Variants in ZBTB7C observed in about 807,000 individuals in gnomAD.
The protein encoded by ZBTB7C is zinc finger and BTB domain-containing protein 7C.
In ZBTB7C, 8 loss-of-function variants were observed where a neutral mutation model predicts 25.7. That is an observed-to-expected ratio of 0.31 (90% confidence interval 0.18 to 0.56). ZBTB7C has a LOEUF of 0.56. Among genes scored for constraint, ZBTB7C ranks in the 20% least tolerant of loss-of-function variants. The pLI is 0.91. For synonymous variants in ZBTB7C, 394 were observed against 369.0 expected, an observed-to-expected ratio of 1.07 and a Z score of -0.78; for missense variants, 824 against 855.2, an observed-to-expected ratio of 0.96 and a Z score of 0.46.
intron 3 of ZBTB7C, among the ~76,000 whole-genome samples, chr18:48,182,391 AT>A (rs1275562469): frequency 6.6e-6 from 1 of 152,220 alleles, no homozygotes; most frequent in East Asian, 1.9e-4. Flanking sequence ...GTACACTGGC[AT>A]TGAACAGAGC....
At chr18:48,191,599 G>A (rs1419701219) in intron 2 of ZBTB7C, among the ~76,000 whole-genome samples, 2 of 152,198 alleles carry the variant, frequency 1.3e-5, no homozygotes, top group African/African-American at 2.4e-5. Context: ...ACATGGGGCA[G>A]GCACATAAAT....
intron 2 of ZBTB7C, among the ~76,000 whole-genome samples, chr18:48,280,539 T>G (rs2044807669): frequency 6.6e-6 from 1 of 152,038 alleles, no homozygotes; most frequent in African/African-American, 2.4e-5. Flanking sequence ...GAACAAAAGG[T>G]GCCCACAGAG....
intron 2 of ZBTB7C, among the ~76,000 whole-genome samples, chr18:48,296,381 C>T (rs1156532445): frequency 6.6e-6 from 1 of 152,240 alleles, no homozygotes; most frequent in Non-Finnish European, 1.5e-5. Context: ...CGCTAACCCT[C>T]ACCACCAAGC....
intron 1 of ZBTB7C, among the ~76,000 whole-genome samples, chr18:48,353,983 T>C (rs964290758): frequency 2.5e-4 from 38 of 152,212 alleles, no homozygotes; most frequent in Non-Finnish European, 5.0e-4. Context: ...TAGGTTGCCA[T>C]ATTTTCCTTA....
intron 2 of ZBTB7C, among the ~76,000 whole-genome samples, chr18:48,281,865 A>G (rs1326790458): frequency 4.5e-3 from 538 of 119,888 alleles, no homozygotes; most frequent in African/African-American, 6.6e-3. Context: ...TGTTGGTGGG[A>G]CTGTAAACTA....
At chr18:48,278,450 T>TC (rs2044733873) in intron 2 of ZBTB7C, among the ~76,000 whole-genome samples, 1 of 152,098 alleles carries the variant, frequency 6.6e-6, no homozygotes, top group Non-Finnish European at 1.5e-5. Flanking sequence ...TTTCTTTTTT[T>TC]TTTTTGAGAC....
At chr18:48,319,227 A>C (rs1405156925) in intron 2 of ZBTB7C, among the ~76,000 whole-genome samples, 1 of 151,666 alleles carries the variant, frequency 6.6e-6, no homozygotes, top group Admixed American at 6.6e-5. Flanking sequence ...TCAGGTGTTC[A>C]TTTAGAGAGA....
chr18:48,237,566 A>G (rs2043413780), intron 2 of ZBTB7C, among the ~76,000 whole-genome samples: 1 of 152,202 alleles, frequency 6.6e-6, no homozygotes, highest in South Asian at 2.1e-4. Flanking sequence ...CTCTGACAAT[A>G]CTAAGTGTTG....
chr18:48,098,856 G>T (rs2038733448), intron 3 of ZBTB7C, among the ~76,000 whole-genome samples: 1 of 152,182 alleles, frequency 6.6e-6, no homozygotes, highest in African/African-American at 2.4e-5. Context: ...AATTGGAGAG[G>T]CCATGAGGCT....
At chr18:48,084,038 C>T (rs1598847578) in intron 3 of ZBTB7C, among the ~76,000 whole-genome samples, 1 of 152,332 alleles carries the variant, frequency 6.6e-6, no homozygotes, top group Non-Finnish European at 1.5e-5. Flanking sequence ...CTACCAGAAC[C>T]TTCTGCAGGC....
At chr18:48,206,709 T>C (rs1018827051) in intron 2 of ZBTB7C, among the ~76,000 whole-genome samples, 1 of 152,098 alleles carries the variant, frequency 6.6e-6, no homozygotes, top group African/African-American at 2.4e-5. Context: ...ACTGAAGTAA[T>C]TTCGAAGGGA....
chr18:48,377,649 C>T (rs1291025658), intron 1 of ZBTB7C, among the ~76,000 whole-genome samples: 3 of 152,134 alleles, frequency 2.0e-5, no homozygotes, highest in African/African-American at 7.2e-5. Flanking sequence ...CATAAATACA[C>T]AAGAATGGGA....
At chr18:48,264,738 A>C (rs11659606) in intron 2 of ZBTB7C, among the ~76,000 whole-genome samples, 22,239 of 151,958 alleles carry the variant, frequency 0.15, 1,771 homozygotes, top group South Asian at 0.26. Flanking sequence ...GACTAACTAC[A>C]TGTTCATGTG....
At chr18:48,240,620 A>G (rs995088971) in intron 2 of ZBTB7C, among the ~76,000 whole-genome samples, 1 of 152,222 alleles carries the variant, frequency 6.6e-6, no homozygotes, top group Non-Finnish European at 1.5e-5. Context: ...AAGGAAAAAT[A>G]AAGTCTTTTT....
chr18:48,332,382 C>T (rs898367351), intron 2 of ZBTB7C, among the ~76,000 whole-genome samples: 8 of 152,144 alleles, frequency 5.3e-5, no homozygotes, highest in Admixed American at 2.6e-4. Flanking sequence ...ACATTATGGT[C>T]GGTGCAGTGT....
intron 3 of ZBTB7C, among the ~76,000 whole-genome samples, chr18:48,182,325 A>G (rs1219538018): frequency 1.3e-5 from 2 of 152,220 alleles, no homozygotes; most frequent in Non-Finnish European, 1.5e-5. Context: ...TGCTTGCAAG[A>G]GAAAAACATA....
At chr18:48,317,722 C>A (rs115821321) in intron 2 of ZBTB7C, among the ~76,000 whole-genome samples, 1 of 152,172 alleles carries the variant, frequency 6.6e-6, no homozygotes, top group Admixed American at 6.5e-5. Context: ...TACAAGTCAA[C>A]GTCCCAGGTC....
intron 2 of ZBTB7C, among the ~76,000 whole-genome samples, chr18:48,236,298 G>A (rs2043376163): frequency 6.6e-6 from 1 of 152,168 alleles, no homozygotes; most frequent in Non-Finnish European, 1.5e-5. Context: ...TTTGGTGTAA[G>A]GCCAATGTCA....
At chr18:48,076,998 A>C in intron 3 of ZBTB7C, 1 of 984,508 alleles carries the variant, frequency 1.0e-6, no homozygotes, top group Non-Finnish European at 1.2e-6. Context: ...ACAGCACCTA[A>C]GTTCCCTTCC....
Sources: gnomAD v4.1 joint callset for allele counts (sites outside exome capture counted in the v4.1 genomes callset) on GRCh38, gnomAD v4.1.1 for gene constraint, MANE v1.5 for transcripts, NCBI Gene and HGNC (gene_info 2026-07-23, HGNC 2026-07-21) for gene names.